Variants in ARHGAP44 observed in about 807,000 individuals in gnomAD.
ARHGAP44 encodes rho GTPase-activating protein 44.
ARHGAP44 carries 43 observed loss-of-function variants against 106.8 expected under a neutral mutation model. That is an observed-to-expected ratio of 0.40 (90% confidence interval 0.32 to 0.52). The LOEUF is 0.52. Among genes scored for constraint, ARHGAP44 ranks in the 20% least tolerant of loss-of-function variants. The pLI, the probability that ARHGAP44 is intolerant of heterozygous loss-of-function variation, is 0.48. For synonymous variants in ARHGAP44, 439 were observed against 410.3 expected (o/e 1.07, Z -0.85); for missense variants, 866 against 1,050.5 (o/e 0.82, Z 2.43).
chr17:12,811,186 G>A lies in ARHGAP44; in HGVS notation c.53+21295G>A, dbSNP rs547247268. 2.6e-3 allele frequency among the ~76,000 whole-genome samples: 394 copies of A among 151,926 alleles called. 1 individual carries two copies. Among genetic ancestry groups the A allele is most frequent in the Non-Finnish European group, 4.3e-3 (294 of 67,956 alleles). ...AAATTAGCCAGGCGTGGTGGCGGGC[G>A]CCTGTAGTCCCAGCTACTTGGGAGG... On this transcript the variant is annotated intron_variant, in intron 1 of 20. Transcript: ENST00000379672.
chr17:12,854,715 T>C (rs1020208472), intron 1 of ARHGAP44, among the ~76,000 whole-genome samples: 2 of 152,014 alleles, frequency 1.3e-5, no homozygotes, highest in South Asian at 2.1e-4. Context: ...TCCCAGCACT[T>C]TGGAAGGCTG....
In ARHGAP44 at chr17:12,870,567, T is replaced by A. The variant is rs544518811; in HGVS notation, c.54-24373T>A. 4.1e-3 allele frequency among the ~76,000 whole-genome samples: 629 copies of A among 152,282 alleles called. 4 individuals are homozygous for A. The highest frequency in any genetic ancestry group is 6.2e-3 in the Non-Finnish European group (420 of 68,020). ...AAATCAGGTAGTGGAGAAGGGTTTA[T>A]AATGAAAAGGTATCAGCCCACTTAG... is the stretch of plus-strand genomic sequence containing the variant. On this transcript the variant is annotated intron_variant, in intron 1 of 20. Transcript: ENST00000379672.
At chr17:12,849,934 A>G (rs2035691466) in intron 1 of ARHGAP44, among the ~76,000 whole-genome samples, 1 of 152,094 alleles carries the variant, frequency 6.6e-6, no homozygotes, top group South Asian at 2.1e-4. Context: ...TTTGTTTGTC[A>G]TTGAAATGTT....
intron 1 of ARHGAP44, among the ~76,000 whole-genome samples, chr17:12,814,045 C>T (rs1157806890): frequency 6.6e-6 from 1 of 152,060 alleles, no homozygotes; most frequent in Non-Finnish European, 1.5e-5. Context: ...TTAGTGCTGA[C>T]CAAAAGCTTA....
chr17:12,957,166 C>T (rs2039150957), intron 15 of ARHGAP44, among the ~76,000 whole-genome samples: 1 of 152,164 alleles, frequency 6.6e-6, no homozygotes, highest in South Asian at 2.1e-4. Context: ...CCATGTCGCT[C>T]AGGCTGGTCT....
intron 17 of ARHGAP44, 68 bp from the exon 18 acceptor site, chr17:12,974,021 G>A: frequency 6.8e-7 from 1 of 1,472,882 alleles, no homozygotes; most frequent in Non-Finnish European, 9.3e-7. Context: ...GCTTGAATGT[G>A]GGGGAGGGAG....
intron 1 of ARHGAP44, among the ~76,000 whole-genome samples, chr17:12,859,769 A>G (rs551667567): frequency 3.9e-5 from 6 of 152,236 alleles, no homozygotes; most frequent in Non-Finnish European, 8.8e-5. Flanking sequence ...CAGTAAGCAC[A>G]TGAGCCCATT....
intron 12 of ARHGAP44, among the ~76,000 whole-genome samples, chr17:12,951,826 G>T (rs570466931): frequency 1.3e-5 from 2 of 152,296 alleles, no homozygotes; most frequent in South Asian, 4.1e-4. Flanking sequence ...ACTAATGCGT[G>T]AACCCTTTTT....
In ARHGAP44 at chr17:12,977,730, T is replaced by C. The variant is rs572128034; in HGVS notation, c.1764-2328T>C. 1.3e-5 allele frequency among the ~76,000 whole-genome samples: 2 copies of C among 152,038 alleles called. 1 individual carries two copies. The highest frequency in any genetic ancestry group is 4.1e-4 in the South Asian group (2 of 4,820). ...GGACAAGGCTAAGTGGGTAAATACTTGTTTCTGTGCTGGAGGAAGTGTGTC... is the reference window on the plus strand; with the variant it reads ...GGACAAGGCTAAGTGGGTAAATACTCGTTTCTGTGCTGGAGGAAGTGTGTC... On this transcript the variant is annotated intron_variant, in intron 18 of 20. Coordinates refer to ENST00000379672, the MANE Select transcript of ARHGAP44 (RefSeq NM_014859.6).
intron 2 of ARHGAP44, among the ~76,000 whole-genome samples, chr17:12,896,176 T>A (rs2037198123): frequency 6.6e-6 from 1 of 151,500 alleles, no homozygotes; most frequent in African/African-American, 2.4e-5. Context: ...AGTTAATGGG[T>A]GCAGCACACC....
At chr17:12,824,181 C>G (rs891960568) in intron 1 of ARHGAP44, among the ~76,000 whole-genome samples, 1 of 152,096 alleles carries the variant, frequency 6.6e-6, no homozygotes. Flanking sequence ...AGGGACCATT[C>G]TGTGTGGATG....
intron 1 of ARHGAP44, among the ~76,000 whole-genome samples, chr17:12,829,644 A>T (rs1185077548): frequency 6.6e-6 from 1 of 152,128 alleles, no homozygotes; most frequent in Admixed American, 6.5e-5. Flanking sequence ...GTTCGTATTG[A>T]CATAATCACA....
At chr17:12,964,100 T>C (rs1170580693) in intron 16 of ARHGAP44, among the ~76,000 whole-genome samples, 1 of 152,262 alleles carries the variant, frequency 6.6e-6, no homozygotes, top group Non-Finnish European at 1.5e-5. Flanking sequence ...TCTGTACTTT[T>C]TAAGCTCTTT....
At position 12,990,048 on chromosome 17, in the gene ARHGAP44, T is replaced by C. The variant is rs760222837; in HGVS notation, c.2334T>C (p.Asp778=). ...ESMSTDLVHF[D]IPSIHIELGS... ...GCCTTCCAGATCTTGTCCACTTTGA[T>C]ATTCCCTCGATCCACATAGAGCTCG... The change falls in exon 21 of 21, where the codon GAT becomes GAC. Residue 778 remains aspartate, a synonymous_variant. Coordinates refer to ENST00000379672, the MANE Select transcript of ARHGAP44 (RefSeq NM_014859.6). The C allele has an allele frequency of 1.9e-6, 3 of 1,604,882 alleles. No homozygotes were observed. In the East Asian group the frequency reaches 6.7e-5, roughly 36 times the overall value.
At chr17:12,950,438 G>A (rs901230582) in intron 12 of ARHGAP44, among the ~76,000 whole-genome samples, 7 of 152,150 alleles carry the variant, frequency 4.6e-5, no homozygotes, top group Admixed American at 2.0e-4. Flanking sequence ...GCAGTGTGTC[G>A]GGAAGAGTAC....
chr17:12,979,838 G>C (rs1305035695), intron 18 of ARHGAP44, among the ~76,000 whole-genome samples: 2 of 152,200 alleles, frequency 1.3e-5, no homozygotes, highest in Non-Finnish European at 2.9e-5. Context: ...AGTGCCAAGT[G>C]CCACAGAGAT....
chr17:12,863,245 G>A (rs537365163), intron 1 of ARHGAP44, among the ~76,000 whole-genome samples: 15 of 151,916 alleles, frequency 9.9e-5, no homozygotes, highest in Admixed American at 5.2e-4. Flanking sequence ...GAGAAGCTAA[G>A]CATCTTCACT....
rs2039177554 is a variant in ARHGAP44 at position 12,958,322 on chromosome 17, G to A, written c.1343-395G>A. On this transcript the variant is annotated intron_variant, in intron 15 of 20. Transcript: ENST00000379672. This position sits in a 1 kb window ranked among gnomAD's most constrained non-coding sequence, Gnocchi z 4.1. ...TTTATTTTCTTGACTAATTCCATTG[G>A]CTAGTGTTTCTCAAATGGTGTTAAG... Among the ~76,000 whole-genome samples, 2 of 152,026 alleles carry A rather than the reference G, an allele frequency of 1.3e-5. No individual in the cohort carries two copies. Among genetic ancestry groups the A allele is most frequent in the African/African-American group, 4.8e-5 (2 of 41,392 alleles).
chr17:12,936,081 T>G (rs1598082935), intron 7 of ARHGAP44, among the ~76,000 whole-genome samples: 1 of 152,154 alleles, frequency 6.6e-6, no homozygotes, highest in African/African-American at 2.4e-5. Flanking sequence ...CAAAATTAAG[T>G]GGAATACAAA....
Sources: gnomAD v4.1 joint callset for allele counts (sites outside exome capture counted in the v4.1 genomes callset) on GRCh38, gnomAD v4.1.1 for gene constraint, Gnocchi (gnomAD v3.1) non-coding constraint, MANE v1.5 for transcripts, NCBI Gene and HGNC (gene_info 2026-07-23, HGNC 2026-07-21) for gene names.